Variants in POLB observed in about 807,000 individuals in gnomAD.
POLB encodes DNA polymerase beta.
In POLB, 37 loss-of-function variants were observed where a neutral mutation model predicts 52.7. The observed-to-expected ratio is 0.70, with a 90% CI of 0.54 to 0.92. POLB has a LOEUF of 0.92. Ranked by LOEUF, POLB falls within the 40% of genes least tolerant of loss-of-function variation. The pLI is 0.00. For missense variants in POLB, 313 were observed against 400.8 expected, an observed-to-expected ratio of 0.78 and a Z score of 1.87; for synonymous variants, 138 against 131.3, an observed-to-expected ratio of 1.05 and a Z score of -0.35.
intron 3 of POLB, among the ~76,000 whole-genome samples, 196 bp downstream of exon 3, chr8:42,345,215 A>G (rs1252691546): frequency 1.3e-5 from 2 of 152,204 alleles, no homozygotes; most frequent in African/African-American, 4.8e-5. Flanking sequence ...TTGGGAGAAG[A>G]TGGGTTAAAA....
At chr8:42,363,771 A>G (rs750278080) in intron 11 of POLB, among the ~76,000 whole-genome samples, 8 of 152,266 alleles carry the variant, frequency 5.3e-5, no homozygotes, top group Admixed American at 3.3e-4. Flanking sequence ...ACTCAGGGGA[A>G]GAAACGTTAC....
chr8:42,367,673 A>T (rs898210344), intron 11 of POLB, among the ~76,000 whole-genome samples: 1 of 152,212 alleles, frequency 6.6e-6, no homozygotes, highest in Non-Finnish European at 1.5e-5. Context: ...TATTCAAGAC[A>T]CAAATTCCTT....
intron 7 of POLB, among the ~76,000 whole-genome samples, chr8:42,356,320 G>A (rs1167756633): frequency 1.3e-5 from 2 of 152,184 alleles, no homozygotes; most frequent in Non-Finnish European, 2.9e-5. Context: ...GTAAATGGAG[G>A]TGTTCTGAAG....
intron 2 of POLB, 88 bp from the exon 3 acceptor site, chr8:42,344,865 A>G: frequency 1.3e-6 from 1 of 795,800 alleles, no homozygotes; most frequent in Non-Finnish European, 2.2e-6. Flanking sequence ...ATAAGCATAG[A>G]TATTTGCTTG....
intron 6 of POLB, among the ~76,000 whole-genome samples, chr8:42,353,642 A>T (rs994227140): frequency 6.6e-6 from 1 of 151,658 alleles, no homozygotes; most frequent in Non-Finnish European, 1.5e-5. Context: ...ATGTATACAT[A>T]TGGATTCATT....
intron 8 of POLB, 28 bp downstream of exon 8, chr8:42,357,251 A>G (rs1359180886): frequency 6.8e-7 from 1 of 1,475,710 alleles, no homozygotes; most frequent in Non-Finnish European, 9.5e-7. Flanking sequence ...ATATTCTTTG[A>G]TTAGAATTGA....
intron 3 of POLB, among the ~76,000 whole-genome samples, chr8:42,345,873 G>T (rs190986137): frequency 2.6e-4 from 40 of 152,256 alleles, no homozygotes; most frequent in Middle Eastern, 3.4e-3. Context: ...TTAAATTTAA[G>T]GACCATATCT....
In POLB at chr8:42,339,046, T is replaced by A; in HGVS notation, c.96T>A (p.Ala32=). Residue 32 remains alanine, a synonymous_variant, in exon 2 of 14, where the codon GCT becomes GCA. Coordinates refer to ENST00000265421, the MANE Select transcript of POLB (RefSeq NM_002690.3). ...LANFEKNVSQ[A]IHKYNAYRKA... ...ACTTTGAGAAGAACGTGAGCCAAGC[T>A]ATCCACAAGTACAATGCTTACAGGT... The A allele has an allele frequency of 6.2e-7, 1 of 1,613,882 alleles. No homozygotes were observed. The highest frequency in any genetic ancestry group is 8.5e-7 in the Non-Finnish European group (1 of 1,179,706).
intron 2 of POLB, 92 bp from the exon 3 acceptor site, chr8:42,344,861 A>G (rs1226570510): frequency 2.7e-5 from 21 of 781,664 alleles, no homozygotes; most frequent in Non-Finnish European, 4.5e-5. Flanking sequence ...AAGCATAAGC[A>G]TAGATATTTG....
chr8:42,347,582 A>G (rs1822714553), intron 3 of POLB, among the ~76,000 whole-genome samples: 1 of 151,872 alleles, frequency 6.6e-6, no homozygotes, highest in Admixed American at 6.6e-5. Flanking sequence ...TTATTCCTTA[A>G]TGTTTGGTAT....
At chr8:42,339,389 T>C in intron 2 of POLB, 1 of 331,256 alleles carries the variant, frequency 3.0e-6, no homozygotes, top group Non-Finnish European at 5.7e-6. Flanking sequence ...CTGTGAAATA[T>C]ATGTGGTTCA....
At chr8:42,355,412 T>G in intron 6 of POLB, 104 bp from the exon 7 acceptor site, 1 of 673,330 alleles carries the variant, frequency 1.5e-6, no homozygotes, top group Non-Finnish European at 2.7e-6. Context: ...TTTCAATGTA[T>G]TTGTTCCCCA....
chr8:42,349,246 T>C, intron 4 of POLB, 156 bp downstream of exon 4: 2 of 527,308 alleles, frequency 3.8e-6, no homozygotes, highest in Non-Finnish European at 6.8e-6. Context: ...GAATGTTATT[T>C]CCATAAAATG....
chr8:42,369,376 A>T (rs3136798), intron 12 of POLB, 41 bp downstream of exon 12: 1 of 1,208,870 alleles, frequency 8.3e-7, no homozygotes, highest in East Asian at 2.4e-5. Flanking sequence ...AACTTTTCCA[A>T]ACTTGTCTCG....
intron 2 of POLB, among the ~76,000 whole-genome samples, chr8:42,341,211 AT>A (rs1822181545): frequency 6.6e-6 from 1 of 152,154 alleles, no homozygotes; most frequent in African/African-American, 2.4e-5. Flanking sequence ...ATTAAATAAT[AT>A]TTTCTCTTTA....
At chr8:42,370,797 G>GA (rs796115900) in intron 13 of POLB, among the ~76,000 whole-genome samples, 25 of 152,178 alleles carry the variant, frequency 1.6e-4, no homozygotes, top group African/African-American at 3.9e-4. Flanking sequence ...GAGCTTTAAA[G>GA]AAAAAAATCA....
At chr8:42,352,601 TA>T in intron 6 of POLB, 33 bp downstream of exon 6, 1 of 1,314,600 alleles carries the variant, frequency 7.6e-7, no homozygotes, top group Non-Finnish European at 1.1e-6. Context: ...AATTCCAGAT[TA>T]AATATGGTCC....
intron 2 of POLB, among the ~76,000 whole-genome samples, chr8:42,340,978 C>T (rs1342097643): frequency 6.6e-6 from 1 of 152,130 alleles, no homozygotes; most frequent in Non-Finnish European, 1.5e-5. Flanking sequence ...GCAGTCTAGA[C>T]AAATAAAATG....
intron 11 of POLB, among the ~76,000 whole-genome samples, chr8:42,367,638 G>A (rs1443968997): frequency 6.6e-6 from 1 of 152,082 alleles, no homozygotes; most frequent in African/African-American, 2.4e-5. Flanking sequence ...TTAAAGGTAT[G>A]CCTCTTCATG....
Sources: allele counts gnomAD v4.1 joint callset (sites outside exome capture counted in the v4.1 genomes callset), GRCh38; gene constraint gnomAD v4.1.1; transcripts MANE v1.5; gene names NCBI Gene and HGNC (gene_info 2026-07-23, HGNC 2026-07-21).